The following EHD1 variants were observed in gnomAD, a reference collection of about 807,000 sequenced individuals.
The protein encoded by EHD1 is EH domain-containing protein 1.
Under a neutral mutation model 39.0 loss-of-function variants are expected in EHD1, and 19 were observed. That is an observed-to-expected ratio of 0.49 (90% CI 0.34 to 0.72). EHD1 has a LOEUF of 0.72. EHD1 is among the 30% of genes least tolerant of loss of function. The pLI is 0.01. For missense variants in EHD1, 542 were observed against 751.5 expected, an observed-to-expected ratio of 0.72 and a Z score of 3.26; for synonymous variants, 323 against 331.2, an observed-to-expected ratio of 0.98 and a Z score of 0.27.
chr11:64,855,117 C>G (rs71581703), intron 4 of EHD1: 1 of 928,886 alleles, frequency 1.1e-6, no homozygotes, highest in African/African-American at 1.7e-5. Context: ...CCCCCCACCA[C>G]GCAGGGTGAG....
At chr11:64,854,886 T>C in intron 4 of EHD1, 29 bp from the exon 5 acceptor site, 1 of 1,587,320 alleles carries the variant, frequency 6.3e-7, no homozygotes, top group Non-Finnish European at 8.5e-7. Flanking sequence ...GGACAAGGGC[T>C]GGGAAGGGAG....
chr11:64,855,083 G>C (rs1399536773), intron 4 of EHD1: 2 of 829,786 alleles, frequency 2.4e-6, no homozygotes, highest in Non-Finnish European at 3.7e-6. Flanking sequence ...CAGGGCACCA[G>C]AGCGCCTGGC....
chr11:64,878,961 C>T (rs1399952192), upstream of EHD1: 8 of 1,004,970 alleles, frequency 8.0e-6, no homozygotes, highest in African/African-American at 1.4e-4. Flanking sequence ...CCCCACACCC[C>T]CGCGGGATGG....
At chr11:64,866,676 T>G (rs1237098064) in intron 2 of EHD1, among the ~76,000 whole-genome samples, 2 of 148,054 alleles carry the variant, frequency 1.4e-5, no homozygotes, top group Non-Finnish European at 1.5e-5. Flanking sequence ...TGAGACCCTG[T>G]CTCCAAAAAA....
Position 64,861,865 on chromosome 11 carries a change from G to T in EHD1, c.503-1529C>A, listed in dbSNP as rs182640158. ...TTCTCCAAAACAAAGTGGTTGGACT[G>T]GACAGACTCCAGCTTTAAGCTCCAT... is the stretch of plus-strand genomic sequence containing the variant. On this transcript the variant is annotated intron_variant, in intron 2 of 4. Transcript: ENST00000320631. 2.6e-4 allele frequency among the ~76,000 whole-genome samples: 39 copies of T among 152,204 alleles called. No homozygotes were observed. The East Asian group carries it at 7.5e-3, about 29-fold the overall frequency.
intron 3 of EHD1, 196 bp from the exon 4 acceptor site, chr11:64,855,682 C>T: frequency 1.4e-6 from 1 of 694,198 alleles, no homozygotes; most frequent in Non-Finnish European, 2.4e-6. Context: ...GCAAGAGCCA[C>T]AGCTGTCCAC....
chr11:64,857,200 G>A (rs896730584), intron 3 of EHD1, among the ~76,000 whole-genome samples: 1 of 152,152 alleles, frequency 6.6e-6, no homozygotes, highest in Admixed American at 6.5e-5. Flanking sequence ...CGAGGCAGGC[G>A]GATCACCTAA....
At chr11:64,862,137 G>T (rs1249605816) in intron 2 of EHD1, among the ~76,000 whole-genome samples, 1 of 152,040 alleles carries the variant, frequency 6.6e-6, no homozygotes, top group Admixed American at 6.6e-5. Flanking sequence ...TGAACTGCTG[G>T]GCTCAGAGAT....
chr11:64,878,804 G>A (rs192404588), upstream of EHD1: 1 of 1,197,270 alleles, frequency 8.4e-7, no homozygotes. Context: ...AATCTCGCGA[G>A]GCTGTGGTCC....
intron 2 of EHD1, among the ~76,000 whole-genome samples, chr11:64,864,591 A>G (rs913087353): frequency 1.3e-5 from 2 of 152,314 alleles, no homozygotes; most frequent in East Asian, 3.9e-4. Flanking sequence ...TTTTATGGCC[A>G]GCTCTGGGAA....
Position 64,878,509 on chromosome 11 carries a change from G to T in EHD1, c.-45C>A. 6.5e-7 allele frequency: 1 copy of T among 1,547,712 alleles called. No individual in the cohort carries two copies. The highest frequency in any genetic ancestry group is 8.7e-7 in the Non-Finnish European group (1 of 1,150,446). The stretch of plus-strand genomic sequence containing the variant: ...GCTGCTGCGGGGCAGAGCGGCGGCT[G>T]AGAGCGGGGCGAGGGTGCGGAGCCG... On this transcript the variant is annotated 5_prime_UTR_variant, in exon 1 of 5. Coordinates refer to ENST00000320631, the MANE Select transcript of EHD1 (RefSeq NM_006795.4).
intron 2 of EHD1, among the ~76,000 whole-genome samples, chr11:64,867,677 G>A (rs1022687479): frequency 2.6e-5 from 4 of 152,124 alleles, no homozygotes; most frequent in African/African-American, 4.8e-5. Flanking sequence ...GAGATTGATC[G>A]TGCCACTGTA....
chr11:64,857,833 A>G (rs1943669692), intron 3 of EHD1, among the ~76,000 whole-genome samples: 1 of 152,156 alleles, frequency 6.6e-6, no homozygotes, highest in South Asian at 2.1e-4. Context: ...CCACAGGCAC[A>G]TCTGTCACTG....
chr11:64,857,104 G>C (rs572350368), intron 3 of EHD1, among the ~76,000 whole-genome samples: 1 of 152,190 alleles, frequency 6.6e-6, no homozygotes, highest in Non-Finnish European at 1.5e-5. Flanking sequence ...CACTCACAGG[G>C]AGGCTCCAGA....
upstream of EHD1, chr11:64,879,536 A>G: frequency 6.5e-7 from 1 of 1,540,460 alleles, no homozygotes. Flanking sequence ...TTAAAAACCC[A>G]AATACTTCCA....
At chr11:64,871,856 C>A (rs762513508) in intron 2 of EHD1, among the ~76,000 whole-genome samples, 8 of 152,226 alleles carry the variant, frequency 5.3e-5, no homozygotes, top group Non-Finnish European at 7.3e-5. Flanking sequence ...TTCCTCCAAC[C>A]TGTTGTCTGC....
chr11:64,863,937 G>A (rs1943741946), intron 2 of EHD1, among the ~76,000 whole-genome samples: 1 of 152,234 alleles, frequency 6.6e-6, no homozygotes, highest in Non-Finnish European at 1.5e-5. Context: ...CAGCCTCCTT[G>A]GCAGGCTGGG....
rs571846024 is a variant in EHD1, at chr11:64,860,044, G to C, written c.795C>G (p.Pro265=). 6.2e-7 allele frequency: 1 copy of C among 1,614,166 alleles called. No homozygotes were observed. ...GSFWSHPLLI[P]DNRKLFEAEE... ...CGGCCTCAAAGAGCTTGCGGTTGTC[G>C]GGGATGAGGAGCGGGTGGGACCAGA... Residue 265 remains proline, a synonymous_variant, in exon 3 of 5, where the codon CCC becomes CCG. Transcript: ENST00000320631.
chr11:64,879,441 G>T (rs1234179349), upstream of EHD1, among the ~76,000 whole-genome samples: 1 of 152,186 alleles, frequency 6.6e-6, no homozygotes, highest in Non-Finnish European at 1.5e-5. Flanking sequence ...TTGCGTATTG[G>T]GAAGTGAAAT....
Sources: allele counts gnomAD v4.1 joint callset (sites outside exome capture counted in the v4.1 genomes callset), GRCh38; gene constraint gnomAD v4.1.1; transcripts MANE v1.5; gene names NCBI Gene and HGNC (gene_info 2026-07-23, HGNC 2026-07-21).